Variants in MAGI1 observed in about 807,000 individuals in gnomAD.
The protein encoded by MAGI1 is membrane associated guanylate kinase, WW and PDZ domain containing 1.
Under a neutral mutation model 139.9 loss-of-function variants are expected in MAGI1, and 58 were observed. That is an observed-to-expected ratio of 0.41 (90% confidence interval 0.34 to 0.52). The LOEUF is 0.52. Ranked by LOEUF, MAGI1 falls within the 20% of genes least tolerant of loss-of-function variation. The pLI is 0.12. For synonymous variants in MAGI1, 812 were observed against 737.9 expected (o/e 1.10, Z -1.63); for missense variants, 1,874 against 1,901.6 (o/e 0.99, Z 0.27).
intron 1 of MAGI1, among the ~76,000 whole-genome samples, chr3:65,991,073 G>A (rs948039876): frequency 2.0e-5 from 3 of 152,072 alleles, no homozygotes; most frequent in Non-Finnish European, 4.4e-5. Context: ...CAGATCACTT[G>A]AGGTCAGGAG....
chr3:66,011,958 T>G (rs1052701186), intron 1 of MAGI1, among the ~76,000 whole-genome samples: 2 of 152,080 alleles, frequency 1.3e-5, no homozygotes, highest in South Asian at 2.1e-4. Context: ...AAAAAATGAG[T>G]TAACTTTTTT....
intron 1 of MAGI1, among the ~76,000 whole-genome samples, chr3:65,918,740 T>A (rs1433566288): frequency 6.6e-6 from 1 of 152,124 alleles, no homozygotes; most frequent in African/African-American, 2.4e-5. Context: ...TCCTATTGCT[T>A]GGTGACTACG....
chr3:65,571,576 C>T (rs560008233), intron 2 of MAGI1, among the ~76,000 whole-genome samples: 2 of 151,748 alleles, frequency 1.3e-5, no homozygotes, highest in Non-Finnish European at 2.9e-5. Context: ...TCAGAAAAAG[C>T]GATAAGCAAC....
intron 22 of MAGI1, chr3:65,360,321 A>G: frequency 9.1e-6 from 9 of 984,272 alleles, no homozygotes; most frequent in Non-Finnish European, 1.1e-5. Flanking sequence ...GGTTGGGAAA[A>G]AAAGCCCTAC....
intron 1 of MAGI1, among the ~76,000 whole-genome samples, chr3:65,869,425 G>A (rs550991807): frequency 6.7e-6 from 1 of 149,570 alleles, no homozygotes; most frequent in African/African-American, 2.5e-5. Context: ...GTTTGAGACA[G>A]AGTCTTGCTC....
intron 13 of MAGI1, among the ~76,000 whole-genome samples, chr3:65,395,006 G>A (rs1165411735): frequency 1.3e-5 from 2 of 152,154 alleles, no homozygotes; most frequent in Non-Finnish European, 2.9e-5. Flanking sequence ...GAAACCCTGT[G>A]CATACTAAGA....
chr3:65,507,338 G>C (rs905751583), intron 2 of MAGI1, among the ~76,000 whole-genome samples: 1 of 152,024 alleles, frequency 6.6e-6, no homozygotes, highest in Non-Finnish European at 1.5e-5. Flanking sequence ...TTTTAGATTT[G>C]GCATCAAAAA....
intron 14 of MAGI1, among the ~76,000 whole-genome samples, chr3:65,390,798 T>C (rs1245035618): frequency 6.6e-6 from 1 of 152,258 alleles, no homozygotes; most frequent in Non-Finnish European, 1.5e-5. Flanking sequence ...TTCTGTTGCA[T>C]ATCAGATTTG....
chr3:66,004,095 T>A (rs185201309), intron 1 of MAGI1, among the ~76,000 whole-genome samples: 1 of 152,260 alleles, frequency 6.6e-6, no homozygotes, highest in African/African-American at 2.4e-5. Context: ...CCAAAACAGA[T>A]GTGGGGAAAA....
intron 2 of MAGI1, among the ~76,000 whole-genome samples, chr3:65,495,330 T>A (rs1952347692): frequency 6.6e-6 from 1 of 152,240 alleles, no homozygotes; most frequent in Admixed American, 6.5e-5. Context: ...AGGGCTTTGC[T>A]CAATAATTTT....
intron 1 of MAGI1, among the ~76,000 whole-genome samples, chr3:65,887,054 A>G (rs1450032519): frequency 2.6e-5 from 4 of 152,232 alleles, no homozygotes; most frequent in Non-Finnish European, 5.9e-5. Context: ...TAAAATAAAT[A>G]TAAAATACTG....
intron 1 of MAGI1, among the ~76,000 whole-genome samples, chr3:65,914,714 G>C (rs552220092): frequency 2.0e-5 from 3 of 152,330 alleles, no homozygotes; most frequent in Admixed American, 2.0e-4. Flanking sequence ...TCACAAAGTT[G>C]AGAACAGTAT....
chr3:65,774,122 T>A (rs1002715194), intron 1 of MAGI1, among the ~76,000 whole-genome samples: 4 of 130,304 alleles, frequency 3.1e-5, no homozygotes, highest in South Asian at 2.5e-4. Flanking sequence ...AAAAAAAAAA[T>A]TAATTGCTAA....
At chr3:65,449,232 C>T (rs1342600099) in intron 6 of MAGI1, among the ~76,000 whole-genome samples, 1 of 152,034 alleles carries the variant, frequency 6.6e-6, no homozygotes, top group Non-Finnish European at 1.5e-5. Context: ...ATGTAACAAA[C>T]CTGCACGTTG....
intron 1 of MAGI1, among the ~76,000 whole-genome samples, chr3:65,679,730 C>A (rs1178838417): frequency 6.6e-6 from 1 of 152,202 alleles, no homozygotes; most frequent in Admixed American, 6.5e-5. Flanking sequence ...GGTTTTCAAA[C>A]CCACTGTTTT....
intron 2 of MAGI1, among the ~76,000 whole-genome samples, chr3:65,582,192 C>T (rs2081462036): frequency 6.6e-6 from 1 of 152,194 alleles, no homozygotes; most frequent in Non-Finnish European, 1.5e-5. Context: ...TGCTTTCCAG[C>T]TACTGCATTC....
intron 1 of MAGI1, among the ~76,000 whole-genome samples, chr3:65,920,888 G>A (rs2062145816): frequency 6.6e-6 from 1 of 152,082 alleles, no homozygotes; most frequent in African/African-American, 2.4e-5. Flanking sequence ...AAGTAGCTGG[G>A]CCAGGTGGCG....
chr3:65,804,722 C>T (rs1360782255), intron 1 of MAGI1, among the ~76,000 whole-genome samples: 1 of 152,094 alleles, frequency 6.6e-6, no homozygotes, highest in Non-Finnish European at 1.5e-5. Flanking sequence ...CGGCATGGCA[C>T]TGGTACCAAA....
chr3:65,498,855 A>G (rs542926842), intron 2 of MAGI1, among the ~76,000 whole-genome samples: 2 of 152,278 alleles, frequency 1.3e-5, no homozygotes, highest in South Asian at 4.1e-4. Context: ...TTTAATCTTA[A>G]TAACTTTAAG....
Sources: gnomAD v4.1 joint callset for allele counts (sites outside exome capture counted in the v4.1 genomes callset) on GRCh38, gnomAD v4.1.1 for gene constraint, MANE v1.5 for transcripts, NCBI Gene and HGNC (gene_info 2026-07-23, HGNC 2026-07-21) for gene names.